Variants in DST observed in about 807,000 individuals in gnomAD.
DST encodes the protein dystonin, also known as bullous pemphigoid antigen.
Under a neutral mutation model 875.2 loss-of-function variants are expected in DST, and 253 were observed. That is an observed-to-expected ratio of 0.29 (90% CI 0.26 to 0.32). DST has a LOEUF of 0.32. Ranked by LOEUF, DST falls within the 10% of genes least tolerant of loss-of-function variation. The probability of loss-of-function intolerance (pLI) is 1.00; values close to 1 mark genes in which losing one functional copy is unlikely to be tolerated. For missense variants in DST, 8,287 were observed against 9,111.6 expected (o/e 0.91, Z 3.68); for synonymous variants, 3,124 against 3,197.1 (o/e 0.98, Z 0.77).
At chr6:56,930,935 T>G (rs576438451) in intron 2 of DST, among the ~76,000 whole-genome samples, 1 of 152,172 alleles carries the variant, frequency 6.6e-6, no homozygotes, top group Non-Finnish European at 1.5e-5. Context: ...TAATATACAA[T>G]GTGAAAGAGA....
intron 24 of DST, among the ~76,000 whole-genome samples, chr6:56,635,192 T>G (rs928560491): frequency 6.6e-6 from 1 of 152,188 alleles, no homozygotes; most frequent in Non-Finnish European, 1.5e-5. Context: ...TTTACTTATT[T>G]ATTCTGTTTA....
chr6:56,575,789 T>C (rs1214524842), intron 50 of DST, among the ~76,000 whole-genome samples: 2 of 152,308 alleles, frequency 1.3e-5, no homozygotes, highest in East Asian at 3.9e-4. Flanking sequence ...ATTTGGTCGT[T>C]GACCTCAGTT....
chr6:56,636,570 G>C lies in DST; in HGVS notation c.3047C>G (p.Thr1016Arg), dbSNP rs1270252749. The C allele has an allele frequency of 6.2e-7, 1 of 1,612,908 alleles. No homozygotes were observed. The highest frequency in any genetic ancestry group is 8.5e-7 in the Non-Finnish European group (1 of 1,179,800). The change falls in exon 23 of 104, where the codon ACA (threonine) becomes AGA (arginine). Residue 1016 changes from threonine (T) to arginine (R), a missense_variant. Physicochemically the swap from Thr to Arg is moderately conservative, Grantham distance 71. Coordinates refer to ENST00000680361, the MANE Select transcript of DST (RefSeq NM_001374736.1). Reference sequence around the variant, plus strand: ...CTACTCACATACCTCGAAATACGCTGTGTTCTCCTTTATGTGCTGCTCCAC... The same window carrying C: ...CTACTCACATACCTCGAAATACGCTCTGTTCTCCTTTATGTGCTGCTCCAC... ...QCVEQHIKEN[T>R]AYFEFFNDAK...
intron 4 of DST, among the ~76,000 whole-genome samples, chr6:56,840,194 G>T (rs1012373911): frequency 2.0e-5 from 3 of 152,058 alleles, no homozygotes; most frequent in Non-Finnish European, 4.4e-5. Context: ...TCAAAAAGCA[G>T]AATTTCATAA....
intron 77 of DST, among the ~76,000 whole-genome samples, chr6:56,506,187 C>A (rs185902251): frequency 6.6e-6 from 1 of 152,232 alleles, no homozygotes; most frequent in East Asian, 1.9e-4. Context: ...CAAAATATTT[C>A]TTTTCAAAGT....
chr6:56,877,107 T>G (rs930605169), intron 3 of DST, among the ~76,000 whole-genome samples: 5 of 152,216 alleles, frequency 3.3e-5, no homozygotes, highest in African/African-American at 1.2e-4. Flanking sequence ...AAAAGGCTCT[T>G]ACCTAGATAC....
intron 4 of DST, among the ~76,000 whole-genome samples, chr6:56,768,799 G>A (rs773719761): frequency 4.6e-5 from 7 of 152,146 alleles, no homozygotes; most frequent in South Asian, 4.2e-4. Context: ...GGCTGGGCAC[G>A]GTGGCTCACA....
intron 4 of DST, among the ~76,000 whole-genome samples, chr6:56,752,858 C>T (rs933327761): frequency 6.6e-6 from 1 of 152,118 alleles, no homozygotes; most frequent in Admixed American, 6.5e-5. Context: ...ATGGCACGAT[C>T]TCAGCTCACC....
At chr6:56,583,667 T>C (rs1455387027) in intron 49 of DST, among the ~76,000 whole-genome samples, 1 of 152,232 alleles carries the variant, frequency 6.6e-6, no homozygotes, top group East Asian at 1.9e-4. Context: ...ATGAAGTCCT[T>C]GCCCATGCCT....
chr6:56,729,893 G>A (rs1563907850), intron 5 of DST, among the ~76,000 whole-genome samples: 1 of 152,180 alleles, frequency 6.6e-6, no homozygotes, highest in Non-Finnish European at 1.5e-5. Flanking sequence ...CCAAAGTCGT[G>A]ATGGAACAGT....
intron 9 of DST, among the ~76,000 whole-genome samples, chr6:56,676,328 A>G (rs2099129888): frequency 6.6e-6 from 1 of 152,226 alleles, no homozygotes; most frequent in African/African-American, 2.4e-5. Context: ...TCAGCTGCCC[A>G]AAGTGCTGGG....
chr6:56,755,302 T>A (rs189707500), intron 4 of DST, among the ~76,000 whole-genome samples: 1 of 152,262 alleles, frequency 6.6e-6, no homozygotes, highest in African/African-American at 2.4e-5. Context: ...AGCTAGAAGC[T>A]CAGAGACTGA....
chr6:56,900,422 G>A lies in DST; in HGVS notation c.416C>T (p.Pro139Leu), dbSNP rs1472552191. The A allele has an allele frequency of 7.3e-7, 1 of 1,366,944 alleles. No homozygotes were observed. Among genetic ancestry groups the A allele is most frequent in the Non-Finnish European group, 9.8e-7 (1 of 1,021,582 alleles). The allele number at this position is 1,366,944 out of a possible 1,614,324, so 84.7% of individuals were successfully genotyped here. Reference sequence around the variant, plus strand: ...TATAAAAGACAGTTCTCTACTTACAGGCCTCCTGATTGAAGCACCTTGAAC... The same window carrying A: ...TATAAAAGACAGTTCTCTACTTACAAGCCTCCTGATTGAAGCACCTTGAAC... ...HSVQGASIRRPSSGNASYRCS... is the reference protein window; with the variant it reads ...HSVQGASIRRLSSGNASYRCS... The change falls in exon 3 of 104, where the codon CCT becomes CTT. Residue 139 changes from proline to leucine, a missense_variant and splice_region_variant. This residue lies in a region of DST where 1,160 missense variants were observed against 1,424.3 expected (regional missense o/e 0.81). Coordinates refer to ENST00000680361, the MANE Select transcript of DST (RefSeq NM_001374736.1).
rs754557564 is a variant in DST at position 56,616,925 on chromosome 6, A to C, written c.4930-2441T>G. 1.9e-6 allele frequency: 3 copies of C among 1,608,580 alleles called. No individual in the cohort carries two copies. The highest frequency in any genetic ancestry group is 2.5e-6 in the Non-Finnish European group (3 of 1,177,382). ...ATATGTCTGACCTGAAATGGGATCAATTATAAAACCTGTTGCAGCCTGAGC... is the reference window on the plus strand; with the variant it reads ...ATATGTCTGACCTGAAATGGGATCACTTATAAAACCTGTTGCAGCCTGAGC... On this transcript the variant is annotated intron_variant, in intron 36 of 103. Coordinates refer to ENST00000680361, the MANE Select transcript of DST (RefSeq NM_001374736.1).
chr6:56,599,513 T>C (rs1362134737), intron 45 of DST, among the ~76,000 whole-genome samples: 1 of 152,102 alleles, frequency 6.6e-6, no homozygotes, highest in Non-Finnish European at 1.5e-5. Context: ...AAACTGAGGC[T>C]GTGACAGACT....
chr6:56,744,913 AC>A (rs2099568197), intron 4 of DST, among the ~76,000 whole-genome samples: 1 of 152,196 alleles, frequency 6.6e-6, no homozygotes, highest in Admixed American at 6.5e-5. Flanking sequence ...TCCCACAGGA[AC>A]ATCATTATGG....
intron 2 of DST, among the ~76,000 whole-genome samples, chr6:56,948,300 A>G (rs1222101285): frequency 6.6e-6 from 1 of 152,132 alleles, no homozygotes; most frequent in Non-Finnish European, 1.5e-5. Flanking sequence ...TCTTTGGCAT[A>G]TCTGAATTGC....
intron 5 of DST, among the ~76,000 whole-genome samples, chr6:56,711,457 A>G (rs1025109568): frequency 6.6e-6 from 1 of 152,086 alleles, no homozygotes; most frequent in African/African-American, 2.4e-5. Flanking sequence ...CCCTTTTATT[A>G]TCAAGAAAAC....
At chr6:56,647,876 G>C (rs1337391703) in intron 13 of DST, among the ~76,000 whole-genome samples, 2 of 151,842 alleles carry the variant, frequency 1.3e-5, no homozygotes, top group Non-Finnish European at 2.9e-5. Flanking sequence ...AATAGAGATG[G>C]GGTTTCACCA....
Sources: allele counts gnomAD v4.1 joint callset (sites outside exome capture counted in the v4.1 genomes callset), GRCh38; gene constraint gnomAD v4.1.1; regional missense constraint gnomAD v4.1.1; transcripts MANE v1.5; gene names NCBI Gene and HGNC (gene_info 2026-07-23, HGNC 2026-07-21).